The following CAMK4 variants were observed in gnomAD, a reference collection of about 807,000 sequenced individuals.
CAMK4 encodes the protein calcium/calmodulin dependent protein kinase IV, also known as calcium/calmodulin-dependent protein kinase type IV.
CAMK4 carries 22 observed loss-of-function variants against 44.9 expected under a neutral mutation model. That is an observed-to-expected ratio of 0.49 (90% CI 0.35 to 0.70). CAMK4 has a LOEUF of 0.70. Among genes scored for constraint, CAMK4 ranks in the 30% least tolerant of loss-of-function variants. CAMK4 has a pLI of 0.01. For synonymous variants in CAMK4, 218 were observed against 215.4 expected (o/e 1.01, Z -0.11); for missense variants, 498 against 586.8 (o/e 0.85, Z 1.56).
intron 5 of CAMK4, among the ~76,000 whole-genome samples, chr5:111,440,495 A>G (rs1753786031): frequency 6.6e-6 from 1 of 152,066 alleles, no homozygotes; most frequent in Admixed American, 6.5e-5. Flanking sequence ...AAACACATAC[A>G]GAGAAAATTC....
intron 1 of CAMK4, among the ~76,000 whole-genome samples, chr5:111,299,931 TCA>T (rs1409873839): frequency 6.6e-6 from 1 of 152,236 alleles, no homozygotes; most frequent in Non-Finnish European, 1.5e-5. Context: ...TTTTTAAATG[TCA>T]CCTGTGGTGA....
At position 111,257,167 on chromosome 5, in the gene CAMK4, A is replaced by G. The variant is rs188419099; in HGVS notation, c.161+32523A>G. ...TTGACAAATGGGATCTAATTAAACT[A>G]AAGATCTTCTACACAGCAAAAGAAT... On this transcript the variant is annotated intron_variant, in intron 1 of 10. Coordinates refer to ENST00000282356, the MANE Select transcript of CAMK4 (RefSeq NM_001744.6). 2.1e-3 allele frequency among the ~76,000 whole-genome samples: 324 copies of G among 152,340 alleles called. 1 individual carries two copies. Among genetic ancestry groups the G allele is most frequent in the Admixed American group, 4.1e-3 (62 of 15,308 alleles).
intron 2 of CAMK4, chr5:111,365,122 C>A (rs1259773059): frequency 6.6e-6 from 1 of 152,260 alleles, no homozygotes; most frequent in Non-Finnish European, 1.5e-5. Context: ...TGGAGACTAT[C>A]CTGGCTTCCT....
At chr5:111,456,868 T>A (rs1267993142) in intron 7 of CAMK4, among the ~76,000 whole-genome samples, 3 of 152,188 alleles carry the variant, frequency 2.0e-5, no homozygotes, top group Admixed American at 6.5e-5. Context: ...TTGGAAATGA[T>A]TGGACAAAAG....
At chr5:111,429,199 C>T (rs1276010897) in intron 5 of CAMK4, among the ~76,000 whole-genome samples, 2 of 151,858 alleles carry the variant, frequency 1.3e-5, no homozygotes, top group East Asian at 3.9e-4. Context: ...TGAAACAAAA[C>T]GTTTGTTTCT....
chr5:111,329,923 G>T (rs1749086479), intron 1 of CAMK4, among the ~76,000 whole-genome samples: 1 of 151,680 alleles, frequency 6.6e-6, no homozygotes, highest in Non-Finnish European at 1.5e-5. Context: ...TTCACTTTAA[G>T]ATCAGGAATA....
At chr5:111,391,965 C>G (rs983670887) in intron 4 of CAMK4, among the ~76,000 whole-genome samples, 5 of 152,160 alleles carry the variant, frequency 3.3e-5, no homozygotes, top group African/African-American at 1.2e-4. Flanking sequence ...TAATGAGGCT[C>G]TCTTTCCTCC....
chr5:111,431,924 A>T (rs1284407699), intron 5 of CAMK4, among the ~76,000 whole-genome samples: 2 of 152,198 alleles, frequency 1.3e-5, no homozygotes, highest in Non-Finnish European at 2.9e-5. Flanking sequence ...AAGGTAAATT[A>T]GTACAATCAC....
Position 111,391,333 on chromosome 5 carries a change from T to C in CAMK4, c.387-3377T>C, listed in dbSNP as rs148700351. On this transcript the variant is annotated intron_variant, in intron 4 of 10. Coordinates refer to ENST00000282356, the MANE Select transcript of CAMK4 (RefSeq NM_001744.6). ...TGAAACTAGAAAAGATATCCTGAACTATCACTCTGTCAAAAGGTTAAGTAA... is the reference window on the plus strand; with the variant it reads ...TGAAACTAGAAAAGATATCCTGAACCATCACTCTGTCAAAAGGTTAAGTAA... Among the ~76,000 whole-genome samples the C allele has an allele frequency of 1.9e-3, 285 of 152,220 alleles. 1 individual carries two copies. The highest frequency in any genetic ancestry group is 6.5e-3 in the African/African-American group (270 of 41,536).
At chr5:111,273,706 TATATATATATATACACACAC>T (rs1561377915) in intron 1 of CAMK4, among the ~76,000 whole-genome samples, 2 of 54,166 alleles carry the variant, frequency 3.7e-5, no homozygotes, top group African/African-American at 1.2e-4. Context: ...TATATATATA[TATATATATATATACACACAC>T]ATACATACAC....
intron 1 of CAMK4, among the ~76,000 whole-genome samples, chr5:111,269,395 A>G (rs1750403079): frequency 6.6e-6 from 1 of 152,158 alleles, no homozygotes; most frequent in Non-Finnish European, 1.5e-5. Flanking sequence ...TCTTCAAGTG[A>G]CATCTGGTTG....
chr5:111,377,046 A>G (rs1272569757), intron 4 of CAMK4, 104 bp downstream of exon 4: 1 of 688,826 alleles, frequency 1.5e-6, no homozygotes, highest in African/African-American at 1.8e-5. Flanking sequence ...GACAGATTAT[A>G]CTTGTTGATA....
At chr5:111,254,867 G>A (rs937236414) in intron 1 of CAMK4, among the ~76,000 whole-genome samples, 1 of 152,092 alleles carries the variant, frequency 6.6e-6, no homozygotes, top group Admixed American at 6.6e-5. Flanking sequence ...GGATTTCCCT[G>A]GGGACTTTTG....
At chr5:111,299,028 T>C (rs373137449) in intron 1 of CAMK4, among the ~76,000 whole-genome samples, 2 of 152,234 alleles carry the variant, frequency 1.3e-5, no homozygotes, top group African/African-American at 4.8e-5. Flanking sequence ...AGTAGTGAGC[T>C]GTTGCTCTTT....
chr5:111,406,225 G>A (rs1007408036), intron 5 of CAMK4, among the ~76,000 whole-genome samples: 5 of 49,496 alleles, frequency 1.0e-4, no homozygotes, highest in South Asian at 8.9e-4. Flanking sequence ...TCTCTCTCTC[G>A]TTTTTGGTTT....
intron 5 of CAMK4, among the ~76,000 whole-genome samples, chr5:111,395,230 A>AAAAAAAAAAAAAAAAAAAAAAG (rs1561460468): frequency 9.4e-6 from 1 of 106,328 alleles, no homozygotes; most frequent in Non-Finnish European, 1.8e-5. Context: ...AAAAAAAAGA[A>AAAAAAAAAAAAAAAAAAAAAAG]AAAAAAAAAG....
At chr5:111,240,307 A>T (rs1748928341) in intron 1 of CAMK4, among the ~76,000 whole-genome samples, 1 of 76,518 alleles carries the variant, frequency 1.3e-5, no homozygotes, top group Non-Finnish European at 3.6e-5. Context: ...TTAACAATCT[A>T]AAAAAAAAAA....
chr5:111,454,861 T>A (rs1580775946), intron 7 of CAMK4, among the ~76,000 whole-genome samples: 1 of 151,176 alleles, frequency 6.6e-6, no homozygotes, highest in Admixed American at 6.6e-5. Context: ...AGGGCTTAGG[T>A]AAAAAAAAAT....
At chr5:111,431,098 A>G (rs963470238) in intron 5 of CAMK4, among the ~76,000 whole-genome samples, 7 of 152,132 alleles carry the variant, frequency 4.6e-5, no homozygotes, top group African/African-American at 1.4e-4. Context: ...CAGAGCTATA[A>G]TGACCAAACC....
Sources: gnomAD v4.1 joint callset for allele counts (sites outside exome capture counted in the v4.1 genomes callset) on GRCh38, gnomAD v4.1.1 for gene constraint, MANE v1.5 for transcripts, NCBI Gene and HGNC (gene_info 2026-07-23, HGNC 2026-07-21) for gene names.